The following GPC5 variants were observed in gnomAD, a reference collection of about 807,000 sequenced individuals.
GPC5 encodes glypican-5.
Under a neutral mutation model 53.9 loss-of-function variants are expected in GPC5, and 47 were observed. The observed-to-expected ratio is 0.87, with a 90% CI of 0.69 to 1.11. The LOEUF is 1.11. Among genes scored for constraint, GPC5 ranks in the 50% most tolerant of loss-of-function variants. The pLI is 0.00. For missense variants in GPC5, 748 were observed against 713.1 expected, an observed-to-expected ratio of 1.05 and a Z score of -0.56; for synonymous variants, 286 against 263.3, an observed-to-expected ratio of 1.09 and a Z score of -0.84.
At chr13:91,754,464 C>G (rs924039056) in intron 4 of GPC5, among the ~76,000 whole-genome samples, 1 of 151,974 alleles carries the variant, frequency 6.6e-6, no homozygotes, top group African/African-American at 2.4e-5. Flanking sequence ...AGAAATGAAC[C>G]TTGTGCTATC....
At chr13:91,659,305 T>C (rs1037506953) in intron 2 of GPC5, among the ~76,000 whole-genome samples, 2 of 152,192 alleles carry the variant, frequency 1.3e-5, no homozygotes, top group Non-Finnish European at 2.9e-5. Flanking sequence ...TTCAGGGCAG[T>C]AGCGAAGTGC....
intron 3 of GPC5, among the ~76,000 whole-genome samples, 195 bp from the exon 4 acceptor site, chr13:91,728,337 C>T (rs942536132): frequency 2.0e-5 from 3 of 152,066 alleles, no homozygotes; most frequent in African/African-American, 7.2e-5. Context: ...ATCCATTTAT[C>T]ATAATTGCCG....
chr13:91,671,780 C>CAAAAAAAAAAAAAAAAA lies in GPC5; in HGVS notation c.326-21398_326-21382dup, dbSNP rs55758033. ...CCTGTATAGCCAAGACAATCTGAAG[C>CAAAAAAAAAAAAAAAAA]AAAAAAAAAAAAAAAAAAAAAAAAA... On this transcript the variant is annotated intron_variant, in intron 2 of 7. Transcript: ENST00000377067. 4.2e-3 allele frequency among the ~76,000 whole-genome samples: 139 copies of CAAAAAAAAAAAAAAAAA among 33,106 alleles called. 4 individuals are homozygous for CAAAAAAAAAAAAAAAAA. Among genetic ancestry groups the CAAAAAAAAAAAAAAAAA allele is most frequent in the East Asian group, 6.7e-3 (6 of 902 alleles). 21.7% of individuals were successfully genotyped at this position (33,106 alleles called of 152,430 possible). A position where few individuals can be genotyped will look rare whatever the true frequency, so the allele number is the denominator to read the frequency against.
At chr13:91,529,221 A>G (rs1886226147) in intron 2 of GPC5, among the ~76,000 whole-genome samples, 1 of 152,190 alleles carries the variant, frequency 6.6e-6, no homozygotes, top group Non-Finnish European at 1.5e-5. Flanking sequence ...ATTCATGCAT[A>G]TCCTGCCTTC....
rs184905145 is a variant in GPC5 at position 92,137,606 on chromosome 13, C to T, written c.1402-7224C>T. ...CACAAAACCTTCCAAATAAATATTA[C>T]CTTTTTGTTGTCTTTGTTTTATTTT... On this transcript the variant is annotated intron_variant, in intron 6 of 7. Coordinates refer to ENST00000377067, the MANE Select transcript of GPC5 (RefSeq NM_004466.6). 1.8e-3 allele frequency among the ~76,000 whole-genome samples: 277 copies of T among 152,200 alleles called. 1 individual carries two copies. Among genetic ancestry groups the T allele is most frequent in the African/African-American group, 6.4e-3 (264 of 41,536 alleles).
chr13:92,148,094 A>G (rs909142613), intron 7 of GPC5, among the ~76,000 whole-genome samples: 1 of 152,112 alleles, frequency 6.6e-6, no homozygotes, highest in Non-Finnish European at 1.5e-5. Context: ...TAAATAGCAC[A>G]CAGTTCATTT....
chr13:92,865,742 A>C (rs142967450), intron 7 of GPC5, among the ~76,000 whole-genome samples: 1 of 152,294 alleles, frequency 6.6e-6, no homozygotes, highest in African/African-American at 2.4e-5. Context: ...TTGTCAAAAT[A>C]TCACATTGTA....
At position 92,450,392 on chromosome 13, in the gene GPC5, A is replaced by G. The variant is rs575527033; in HGVS notation, c.1561+305403A>G. On this transcript the variant is annotated intron_variant, in intron 7 of 7. Transcript: ENST00000377067. ...TATTTATGTCTCATACATAACTTAT[A>G]CCCATAACCTGAAGCTAATTGTAGA... 3.3e-5 allele frequency among the ~76,000 whole-genome samples: 5 copies of G among 152,280 alleles called. No individual in the cohort carries two copies. The East Asian group carries it at 9.6e-4, about 29-fold the overall frequency.
At chr13:92,479,150 G>C (rs1456449005) in intron 7 of GPC5, among the ~76,000 whole-genome samples, 1 of 152,116 alleles carries the variant, frequency 6.6e-6, no homozygotes, top group African/African-American at 2.4e-5. Context: ...CCTATTTATA[G>C]AGATACTGGT....
intron 2 of GPC5, among the ~76,000 whole-genome samples, chr13:91,509,558 A>G (rs1885127494): frequency 6.6e-6 from 1 of 151,790 alleles, no homozygotes; most frequent in African/African-American, 2.4e-5. Context: ...CTGGGAAAGC[A>G]ATATTTCATT....
At chr13:92,638,423 G>T (rs1371094583) in intron 7 of GPC5, among the ~76,000 whole-genome samples, 2 of 152,082 alleles carry the variant, frequency 1.3e-5, no homozygotes, top group Admixed American at 1.3e-4. Flanking sequence ...TGGTCACCTT[G>T]GTCCAGAGTG....
At chr13:92,226,370 C>T (rs568241311) in intron 7 of GPC5, among the ~76,000 whole-genome samples, 1 of 152,246 alleles carries the variant, frequency 6.6e-6, no homozygotes, top group South Asian at 2.1e-4. Flanking sequence ...TATCCTTTCT[C>T]CATGTTAACA....
chr13:91,638,999 T>C (rs544979341), intron 2 of GPC5, among the ~76,000 whole-genome samples: 1 of 152,334 alleles, frequency 6.6e-6, no homozygotes, highest in Non-Finnish European at 1.5e-5. Context: ...GAACAAAGTA[T>C]GAATAGCATT....
At chr13:92,340,004 C>T (rs891197022) in intron 7 of GPC5, 16 of 123,682 alleles carry the variant, frequency 1.3e-4, no homozygotes, top group African/African-American at 3.5e-4. Flanking sequence ...ACAAAAAAAA[C>T]ATATATATGA....
intron 7 of GPC5, among the ~76,000 whole-genome samples, chr13:92,158,626 C>A (rs2041962973): frequency 6.6e-6 from 1 of 152,020 alleles, no homozygotes; most frequent in Non-Finnish European, 1.5e-5. Context: ...ATTGCCTTTA[C>A]TTCTAAATTT....
intron 2 of GPC5, among the ~76,000 whole-genome samples, chr13:91,650,681 T>C (rs1321527381): frequency 6.7e-6 from 1 of 149,344 alleles, no homozygotes; most frequent in Non-Finnish European, 1.5e-5. Context: ...CACTGACTAC[T>C]CATATTAAGC....
At chr13:92,463,845 T>G (rs1362442677) in intron 7 of GPC5, among the ~76,000 whole-genome samples, 1 of 152,234 alleles carries the variant, frequency 6.6e-6, no homozygotes, top group Non-Finnish European at 1.5e-5. Flanking sequence ...GATACAGTTT[T>G]AAGATACAAT....
intron 7 of GPC5, among the ~76,000 whole-genome samples, chr13:92,221,108 AG>A (rs1339940810): frequency 6.6e-6 from 1 of 152,166 alleles, no homozygotes; most frequent in African/African-American, 2.4e-5. Flanking sequence ...TCATGGCAAA[AG>A]CTAGAAGTCC....
rs141044285 is a variant in GPC5, at chr13:91,438,356, T to C, written c.164-10405T>C. ...GGGGTTTTGGTGTGGATGTCCTTTC[T>C]GTTTGTTAGTTTTCCTTCTAACAGT... On this transcript the variant is annotated intron_variant, in intron 1 of 7. Transcript: ENST00000377067. Among the ~76,000 whole-genome samples, 405 of 152,344 alleles carry C rather than the reference T, an allele frequency of 2.7e-3. 1 individual carries two copies. The highest frequency in any genetic ancestry group is 9.1e-3 in the African/African-American group (380 of 41,586).
Sources: allele counts gnomAD v4.1 joint callset (sites outside exome capture counted in the v4.1 genomes callset), GRCh38; gene constraint gnomAD v4.1.1; transcripts MANE v1.5; gene names NCBI Gene and HGNC (gene_info 2026-07-23, HGNC 2026-07-21).